The following DPYS variants were observed in gnomAD, a reference collection of about 807,000 sequenced individuals.
DPYS encodes the protein dihydropyrimidinase.
A neutral mutation model predicts 50.3 loss-of-function variants in DPYS; 39 were observed. The ratio of observed to expected loss-of-function variants is 0.78; its 90% CI spans 0.60 to 1.01. DPYS has a LOEUF of 1.01. Ranked by LOEUF, DPYS falls within the 50% of genes least tolerant of loss-of-function variation. DPYS has a pLI of 0.00. For synonymous variants in DPYS, 245 were observed against 250.7 expected, an observed-to-expected ratio of 0.98 and a Z score of 0.22; for missense variants, 659 against 680.9, an observed-to-expected ratio of 0.97 and a Z score of 0.36.
At chr8:104,386,434 G>A (rs1043758206) in intron 8 of DPYS, among the ~76,000 whole-genome samples, 9 of 151,680 alleles carry the variant, frequency 5.9e-5, no homozygotes, top group Admixed American at 5.9e-4. Context: ...TTGGGAGGCT[G>A]AGGCAGGAGA....
At chr8:104,464,099 T>C (rs1814265847) in intron 1 of DPYS, among the ~76,000 whole-genome samples, 2 of 152,200 alleles carry the variant, frequency 1.3e-5, no homozygotes, top group South Asian at 2.1e-4. Flanking sequence ...TCTCTGACCG[T>C]ATCATTTTTT....
intron 7 of DPYS, among the ~76,000 whole-genome samples, chr8:104,407,469 GTAGT>G (rs1812034311): frequency 1.3e-5 from 2 of 152,238 alleles, no homozygotes; most frequent in South Asian, 4.1e-4. Flanking sequence ...GTACCTGTGA[GTAGT>G]GGAATTTAGG....
At chr8:104,434,460 C>T (rs1173004096) in intron 4 of DPYS, among the ~76,000 whole-genome samples, 1 of 152,150 alleles carries the variant, frequency 6.6e-6, no homozygotes, top group Non-Finnish European at 1.5e-5. Context: ...CTTTGGAATG[C>T]CCTGACTGAG....
chr8:104,429,628 C>A lies in DPYS; in HGVS notation c.867G>T (p.Trp289Cys). Residue 289 changes from tryptophan (W) to cysteine (C), a missense_variant, in exon 5 of 10, where the codon TGG becomes TGT. Coordinates refer to ENST00000351513, the MANE Select transcript of DPYS (RefSeq NM_001385.3). Reference protein sequence around the residue: ...TDGTHYWNKEWHHAAHHVMGP... With the variant: ...TDGTHYWNKECHHAAHHVMGP... ...CCATGACATGGTGGGCTGCATGGTG[C>A]CATTCTTTATTCCAGTAGTGAGTGC... 6.2e-7 allele frequency: 1 copy of A among 1,614,132 alleles called. No individual in the cohort carries two copies. Among genetic ancestry groups the A allele is most frequent in the Non-Finnish European group, 8.5e-7 (1 of 1,180,018 alleles).
chr8:104,431,953 T>C (rs536510022), intron 4 of DPYS, among the ~76,000 whole-genome samples: 25 of 152,226 alleles, frequency 1.6e-4, no homozygotes, highest in Non-Finnish European at 2.5e-4. Context: ...ACAGGCTGTT[T>C]GTGGATGTGG....
At chr8:104,427,211 A>T (rs113895063) in intron 6 of DPYS, among the ~76,000 whole-genome samples, 10,927 of 150,542 alleles carry the variant, frequency 0.073, 599 homozygotes, top group African/African-American at 0.12. Context: ...AAAAAAAAAA[A>T]AAAAAAAAGA....
intron 7 of DPYS, among the ~76,000 whole-genome samples, chr8:104,402,956 G>T (rs181859763): frequency 2.6e-5 from 4 of 152,124 alleles, no homozygotes; most frequent in Non-Finnish European, 4.4e-5. Flanking sequence ...ATCATCTATC[G>T]CCTGAGAGCA....
Position 104,381,169 on chromosome 8 carries a change from C to T in DPYS, c.*14+15G>A. ...CTGTCATGCAGGAAGACTTTTCTTG[C>T]CTACAGTCCCTTACCGATGGCACAC... On this transcript the variant is annotated intron_variant, in intron 9 of 9. Transcript: ENST00000351513. 1.2e-6 allele frequency: 2 copies of T among 1,603,534 alleles called. No individual in the cohort carries two copies. Among genetic ancestry groups the T allele is most frequent in the East Asian group, 2.2e-5 (1 of 44,822 alleles).
At chr8:104,434,957 C>T (rs933624784) in intron 4 of DPYS, among the ~76,000 whole-genome samples, 6 of 152,270 alleles carry the variant, frequency 3.9e-5, no homozygotes, top group South Asian at 2.1e-4. Flanking sequence ...TGAGAAACAA[C>T]GCCAGATACA....
At chr8:104,407,192 T>C (rs1490654648) in intron 7 of DPYS, among the ~76,000 whole-genome samples, 1 of 152,234 alleles carries the variant, frequency 6.6e-6, no homozygotes, top group African/African-American at 2.4e-5. Context: ...TACTTATAAA[T>C]GGAGCAATAG....
chr8:104,445,893 C>A (rs896965604), intron 3 of DPYS, among the ~76,000 whole-genome samples: 1 of 151,696 alleles, frequency 6.6e-6, no homozygotes, highest in South Asian at 2.1e-4. Context: ...AAAATACAAA[C>A]AATTAGCCGG....
chr8:104,448,557 A>G (rs1417144848), intron 2 of DPYS, among the ~76,000 whole-genome samples: 2 of 152,146 alleles, frequency 1.3e-5, no homozygotes, highest in Non-Finnish European at 1.5e-5. Flanking sequence ...TTGAACTTCT[A>G]TATGTTAAAA....
intron 1 of DPYS, among the ~76,000 whole-genome samples, chr8:104,466,020 T>G (rs886669396): frequency 6.6e-6 from 1 of 151,512 alleles, no homozygotes; most frequent in Non-Finnish European, 1.5e-5. Context: ...TGGAATACTT[T>G]CTCTTCTAAA....
chr8:104,410,794 C>T (rs1384624894), intron 7 of DPYS, among the ~76,000 whole-genome samples: 1 of 152,190 alleles, frequency 6.6e-6, no homozygotes, highest in African/African-American at 2.4e-5. Context: ...TCAACTCCTT[C>T]CCATCCTGAC....
intron 8 of DPYS, among the ~76,000 whole-genome samples, chr8:104,382,061 C>G (rs1811069876): frequency 6.6e-6 from 1 of 152,216 alleles, no homozygotes; most frequent in Non-Finnish European, 1.5e-5. Context: ...GGCCTACTTC[C>G]TCATCCATGA....
At position 104,429,533 on chromosome 8, in the gene DPYS, C is replaced by A. The variant is rs773770178; in HGVS notation, c.950+12G>T. On this transcript the variant is annotated intron_variant, in intron 5 of 9. Coordinates refer to ENST00000351513, the MANE Select transcript of DPYS (RefSeq NM_001385.3). ...TGGCAATACACTTCCCAGTCATCTG[C>A]AAAATGATTACTTAGCCAACAGATT... The A allele has an allele frequency of 5.0e-6, 8 of 1,613,860 alleles. No individual in the cohort carries two copies. Among genetic ancestry groups the A allele is most frequent in the South Asian group, 2.2e-5 (2 of 91,080 alleles).
chr8:104,395,545 A>G (rs1357928692), intron 7 of DPYS, among the ~76,000 whole-genome samples: 1 of 152,182 alleles, frequency 6.6e-6, no homozygotes, highest in Non-Finnish European at 1.5e-5. Context: ...AGACTGTCAT[A>G]TAAGTAGAAT....
chr8:104,410,934 T>G (rs1163839006), intron 7 of DPYS, among the ~76,000 whole-genome samples: 1 of 152,090 alleles, frequency 6.6e-6, no homozygotes, highest in Non-Finnish European at 1.5e-5. Flanking sequence ...CTCCAAGGAT[T>G]CGGTTAGTGC....
At position 104,399,314 on chromosome 8, in the gene DPYS, C is replaced by CAA. The variant is rs1206671523; in HGVS notation, c.1236-6325_1236-6324dup. On this transcript the variant is annotated intron_variant, in intron 7 of 9. Coordinates refer to ENST00000351513, the MANE Select transcript of DPYS (RefSeq NM_001385.3). ...TCAAAAAAAAAAAAAAAAAAAACAA[C>CAA]AACAAAAAAAAACCAAGAAAACCCA... Among the ~76,000 whole-genome samples, 439 of 53,576 alleles carry CAA rather than the reference C, an allele frequency of 8.2e-3. 9 individuals carry two copies. The highest frequency in any genetic ancestry group is 0.012 in the South Asian group (23 of 1,966). The allele number at this position is 53,576 out of a possible 152,430, so 35.1% of individuals were successfully genotyped here. A position where few individuals can be genotyped will look rare whatever the true frequency, so the allele number is the denominator to read the frequency against.
Sources: gnomAD v4.1 joint callset for allele counts (sites outside exome capture counted in the v4.1 genomes callset) on GRCh38, gnomAD v4.1.1 for gene constraint, MANE v1.5 for transcripts, NCBI Gene and HGNC (gene_info 2026-07-23, HGNC 2026-07-21) for gene names.